The following DCAF16 variants were observed in gnomAD, a reference collection of about 807,000 sequenced individuals.
DCAF16 encodes DDB1 and CUL4 associated factor 16, also known as DDB1- and CUL4-associated factor 16.
Under a neutral mutation model 17.3 loss-of-function variants are expected in DCAF16, and 10 were observed. The ratio of observed to expected loss-of-function variants is 0.58; its 90% CI spans 0.36 to 0.98. DCAF16 has a LOEUF of 0.98. Among genes scored for constraint, DCAF16 ranks in the 50% least tolerant of loss-of-function variants. The probability of loss-of-function intolerance (pLI) is 0.01; values close to 1 mark genes in which losing one functional copy is unlikely to be tolerated. For synonymous variants in DCAF16, 111 were observed against 92.8 expected (o/e 1.20, Z -1.12); for missense variants, 249 against 247.6 (o/e 1.01, Z -0.04).
chr4:17,805,863 G>A (rs1201747669), intron 1 of DCAF16, among the ~76,000 whole-genome samples: 1 of 152,148 alleles, frequency 6.6e-6, no homozygotes, highest in African/African-American at 2.4e-5. Flanking sequence ...TACTTGGGAG[G>A]CTGAGGCAGG....
At position 17,803,507 on chromosome 4, in the gene DCAF16, A is replaced by G. The variant is rs747954442; in HGVS notation, c.635T>C (p.Leu212Pro). 1 of 1,613,794 alleles carries G rather than the reference A, an allele frequency of 6.2e-7. No homozygotes were observed. The highest frequency in any genetic ancestry group is 1.1e-5 in the South Asian group (1 of 91,070). The part of the protein sequence containing the change: ...TDFQKAVNKL[L>P]TASL ...GGTAGATCTTTACAGTGATGCAGTT[A>G]GGAGTTTGTTAACTGCCTTTTGGAA... The change falls in exon 3 of 3, where the codon CTA (leucine) becomes CCA (proline). Residue 212 changes from leucine to proline, a missense_variant. Physicochemically the swap from Leu to Pro is moderately conservative, Grantham distance 98 (BLOSUM62 -3). Coordinates refer to ENST00000382247, the MANE Select transcript of DCAF16 (RefSeq NM_017741.4).
chr4:17,794,305 T>C, the DCAF16 span, among the ~76,000 whole-genome samples: 1 of 152,182 alleles, frequency 6.6e-6, no homozygotes, highest in African/African-American at 2.4e-5. Context: ...TCATGTTTCA[T>C]ATATACATAG....
chr4:17,800,121 G>C (rs972711788), downstream of DCAF16, among the ~76,000 whole-genome samples: 1 of 140,030 alleles, frequency 7.1e-6, no homozygotes, highest in African/African-American at 2.7e-5. Flanking sequence ...TCCAGCCTGG[G>C]CAACAAGAGC....
chr4:17,795,749 C>T (rs1719399720), downstream of DCAF16, among the ~76,000 whole-genome samples: 1 of 152,144 alleles, frequency 6.6e-6, no homozygotes, highest in South Asian at 2.1e-4. Flanking sequence ...GTTCATCTTT[C>T]ATGTTGAAGG....
At chr4:17,808,483 G>C (rs1177044450) in intron 1 of DCAF16, among the ~76,000 whole-genome samples, 1 of 152,086 alleles carries the variant, frequency 6.6e-6, no homozygotes, top group Non-Finnish European at 1.5e-5. Flanking sequence ...CAGGAAAAAT[G>C]TAAGCTTTAA....
the DCAF16 span, among the ~76,000 whole-genome samples, chr4:17,795,345 T>C: frequency 6.6e-6 from 1 of 151,912 alleles, no homozygotes; most frequent in East Asian, 1.9e-4. Context: ...ATCCTAACAA[T>C]GTGCTTTGGT....
downstream of DCAF16, among the ~76,000 whole-genome samples, chr4:17,796,790 A>G (rs1044110227): frequency 1.3e-5 from 2 of 152,222 alleles, no homozygotes; most frequent in South Asian, 4.1e-4. Flanking sequence ...TGTAATGGTT[A>G]TGTGGTTATT....
At chr4:17,808,704 T>A (rs1484260626) in intron 1 of DCAF16, among the ~76,000 whole-genome samples, 3 of 152,080 alleles carry the variant, frequency 2.0e-5, no homozygotes, top group African/African-American at 7.2e-5. Flanking sequence ...GTGTGATGTC[T>A]CTGTTGGTGA....
chr4:17,809,792 C>T (rs16895788), intron 1 of DCAF16: 20,153 of 152,124 alleles, frequency 0.13, 1,481 homozygotes, highest in South Asian at 0.24. Context: ...GCATCCTACG[C>T]TACTCAAGAA....
Position 17,804,079 on chromosome 4 carries a change from A to G in DCAF16, c.63T>C (p.Asn21=), listed in dbSNP as rs201013608. The G allele has an allele frequency of 2.5e-6, 4 of 1,614,102 alleles. No individual in the cohort carries two copies. Among genetic ancestry groups the G allele is most frequent in the Non-Finnish European group, 3.4e-6 (4 of 1,180,002 alleles). Residue 21 remains asparagine (N), a synonymous_variant, in exon 3 of 3, where the codon AAT becomes AAC. Coordinates refer to ENST00000382247, the MANE Select transcript of DCAF16 (RefSeq NM_017741.4). ...LSESESEEEE[N]ISYLNESSGE... ...CAGAACTCTCATTTAGGTAACTAAT[A>G]TTTTCTTCTTCCTCACTTTCTGATT...
At chr4:17,806,088 C>T (rs1238696698) in intron 1 of DCAF16, among the ~76,000 whole-genome samples, 6 of 152,106 alleles carry the variant, frequency 3.9e-5, no homozygotes, top group Admixed American at 6.5e-5. Context: ...GAAAAAGATA[C>T]GTTAAGAATT....
chr4:17,798,310 C>CTTTTT (rs61478198), downstream of DCAF16, among the ~76,000 whole-genome samples: 2 of 131,278 alleles, frequency 1.5e-5, no homozygotes, highest in South Asian at 2.4e-4. Context: ...TGTTATTTTC[C>CTTTTT]TTTTTTTTTT....
chr4:17,795,876 G>A (rs1313207364), downstream of DCAF16, among the ~76,000 whole-genome samples: 2 of 152,130 alleles, frequency 1.3e-5, no homozygotes, highest in African/African-American at 2.4e-5. Context: ...ACAAATAATC[G>A]AGGGTCAAGC....
rs73242105 is a variant in DCAF16, at chr4:17,806,377, C to T, written c.-749-1152G>A. ...TCAAAGCCATTCATCTAGTAAGTCA[C>T]GGGGCCAGTGTTTCAACTCAGGCAC... On this transcript the variant is annotated intron_variant, in intron 1 of 2. Transcript: ENST00000382247. 4.8e-3 allele frequency among the ~76,000 whole-genome samples: 730 copies of T among 152,236 alleles called. 2 individuals carry two copies. The highest frequency in any genetic ancestry group is 8.3e-3 in the Non-Finnish European group (566 of 68,006).
the DCAF16 span, among the ~76,000 whole-genome samples, chr4:17,794,722 C>T: frequency 6.6e-6 from 1 of 152,052 alleles, no homozygotes; most frequent in African/African-American, 2.4e-5. Context: ...AGTATTATGC[C>T]GTAAGGACCA....
At chr4:17,795,108 T>A in the DCAF16 span, among the ~76,000 whole-genome samples, 1 of 152,224 alleles carries the variant, frequency 6.6e-6, no homozygotes, top group Admixed American at 6.5e-5. Flanking sequence ...TCTTAAGGTA[T>A]CTTTATTTTA....
downstream of DCAF16, among the ~76,000 whole-genome samples, chr4:17,796,684 C>T (rs920537442): frequency 2.0e-5 from 3 of 152,096 alleles, no homozygotes; most frequent in African/African-American, 4.8e-5. Flanking sequence ...TCCAGCCTGG[C>T]GACAGGGTGA....
downstream of DCAF16, among the ~76,000 whole-genome samples, chr4:17,796,648 A>C (rs1299870817): frequency 2.0e-5 from 3 of 152,194 alleles, no homozygotes; most frequent in African/African-American, 7.2e-5. Flanking sequence ...TGGAGATTGC[A>C]GTGAGCCGAG....
At position 17,803,378 on chromosome 4, in the gene DCAF16, G is replaced by T. The variant is rs879110636; in HGVS notation, c.*113C>A. On this transcript the variant is annotated 3_prime_UTR_variant, in exon 3 of 3. Coordinates refer to ENST00000382247, the MANE Select transcript of DCAF16 (RefSeq NM_017741.4). ...TGTCAAAGGGTATCCTCATTGGCTT[G>T]CCAGGGCATAAGAGAGTTTGACTGA... 51 of 1,027,762 alleles carry T rather than the reference G, an allele frequency of 5.0e-5. No individual in the cohort carries two copies. The highest frequency in any genetic ancestry group is 4.8e-5 in the East Asian group (2 of 41,562). The allele number at this position is 1,027,762 out of a possible 1,614,324, so 63.7% of individuals were successfully genotyped here. A position where few individuals can be genotyped will look rare whatever the true frequency, so the allele number is the denominator to read the frequency against.
Sources: allele counts gnomAD v4.1 joint callset (sites outside exome capture counted in the v4.1 genomes callset), GRCh38; gene constraint gnomAD v4.1.1; transcripts MANE v1.5; gene names NCBI Gene and HGNC (gene_info 2026-07-23, HGNC 2026-07-21).